The following PPARA variants were observed in gnomAD, a reference collection of about 807,000 sequenced individuals.
PPARA encodes the protein peroxisome proliferator-activated receptor alpha.
A neutral mutation model predicts 42.2 loss-of-function variants in PPARA; 22 were observed. The observed-to-expected ratio is 0.52, with a 90% confidence interval of 0.37 to 0.74. The LOEUF is 0.74. Among genes scored for constraint, PPARA ranks in the 30% least tolerant of loss-of-function variants. PPARA has a pLI of 0.00. For synonymous variants in PPARA, 242 were observed against 239.3 expected, an observed-to-expected ratio of 1.01 and a Z score of -0.10; for missense variants, 465 against 608.2, an observed-to-expected ratio of 0.76 and a Z score of 2.48.
rs1935807834 is a variant in PPARA, at chr22:46,230,692, C to T, written c.712-1100C>T. Among the ~76,000 whole-genome samples the T allele has an allele frequency of 6.6e-6, 1 of 152,218 alleles. No individual in the cohort carries two copies. Among genetic ancestry groups the T allele is most frequent in the African/African-American group, 2.4e-5 (1 of 41,460 alleles). On this transcript the variant is annotated intron_variant, in intron 7 of 8. Coordinates refer to ENST00000407236, the MANE Select transcript of PPARA (RefSeq NM_005036.6). The surrounding 1 kb of genome is among the most constrained non-coding windows in gnomAD (Gnocchi z 5.0). ...AAGGCACGGCTGTGGGGAGTTGGCACTTGCTCCAGAATATGGAGCACCGAG... is the reference window on the plus strand; with the variant it reads ...AAGGCACGGCTGTGGGGAGTTGGCATTTGCTCCAGAATATGGAGCACCGAG...
chr22:46,187,435 C>T lies in PPARA; in HGVS notation c.-43+10599C>T, dbSNP rs535791494. Among the ~76,000 whole-genome samples the T allele has an allele frequency of 1.3e-5, 2 of 152,344 alleles. No individual in the cohort carries two copies. Among genetic ancestry groups the T allele is most frequent in the East Asian group, 1.9e-4 (1 of 5,188 alleles). On this transcript the variant is annotated intron_variant, in intron 3 of 8. Transcript: ENST00000407236. This position sits in a 1 kb window ranked among gnomAD's most constrained non-coding sequence, Gnocchi z 4.9. ...CCCAGGTCCCTGGTCCAGGCAGCTG[C>T]CAGTTGTCAGGATCAGCTCTTTATC...
In PPARA at chr22:46,194,780, G is replaced by A. The variant is rs539980950; in HGVS notation, c.-42-3562G>A. ...GTAGAGACGGGGTTTCACCATGTTG[G>A]CCAGGCTGGTTTTGAACTCCTGACC... is the stretch of plus-strand genomic sequence containing the variant. On this transcript the variant is annotated intron_variant, in intron 3 of 8. Coordinates refer to ENST00000407236, the MANE Select transcript of PPARA (RefSeq NM_005036.6). 1.4e-3 allele frequency among the ~76,000 whole-genome samples: 219 copies of A among 151,492 alleles called. 1 individual carries two copies. In the Middle Eastern group the frequency reaches 0.021, roughly 14 times the overall value.
Position 46,225,753 on chromosome 22 carries a change from T to A in PPARA, c.711+5739T>A, listed in dbSNP as rs1461847766. Among the ~76,000 whole-genome samples the A allele has an allele frequency of 9.4e-6, 1 of 106,086 alleles. No individual in the cohort carries two copies. Among genetic ancestry groups the A allele is most frequent in the East Asian group, 2.4e-4 (1 of 4,158 alleles). 69.6% of individuals were successfully genotyped at this position (106,086 alleles called of 152,430 possible). The stretch of plus-strand genomic sequence containing the variant: ...CATCCATGCTCACATGGGTACACAC[T>A]CACACATCCATGCATGCACGTGTAA... On this transcript the variant is annotated intron_variant, in intron 7 of 8. Transcript: ENST00000407236. This position sits in a 1 kb window ranked among gnomAD's most constrained non-coding sequence, Gnocchi z 4.1.
At chr22:46,181,387 G>T (rs1055756882) in intron 3 of PPARA, among the ~76,000 whole-genome samples, 1 of 152,076 alleles carries the variant, frequency 6.6e-6, no homozygotes, top group African/African-American at 2.4e-5. Flanking sequence ...GCAGGCTGTG[G>T]CAGGAATAAG....
chr22:46,219,085 C>T lies in PPARA; in HGVS notation c.508+684C>T, dbSNP rs1467324896. The stretch of plus-strand genomic sequence containing the variant: ...GATGAGACAGGAGAATAGCTTGAAC[C>T]CGGGAGGCGGAGGTTGCAGTGAGCT... On this transcript the variant is annotated intron_variant, in intron 6 of 8. Coordinates refer to ENST00000407236, the MANE Select transcript of PPARA (RefSeq NM_005036.6). This position sits in a 1 kb window ranked among gnomAD's most constrained non-coding sequence, Gnocchi z 4.8. 6.6e-6 allele frequency among the ~76,000 whole-genome samples: 1 copy of T among 151,420 alleles called. No homozygotes were observed. The highest frequency in any genetic ancestry group is 2.4e-5 in the African/African-American group (1 of 41,148).
intron 2 of PPARA, among the ~76,000 whole-genome samples, chr22:46,153,002 C>A (rs1924678161): frequency 6.6e-6 from 1 of 152,178 alleles, no homozygotes. Flanking sequence ...AGGAGAATCG[C>A]TTGAGCCTGG....
intron 3 of PPARA, among the ~76,000 whole-genome samples, chr22:46,185,532 G>A (rs1930533121): frequency 6.7e-6 from 1 of 150,358 alleles, no homozygotes; most frequent in Admixed American, 6.7e-5. Context: ...TGTCTGCTCT[G>A]GCAAAAGACA....
rs1935406985 is a variant in PPARA at position 46,225,968 on chromosome 22, C to T, written c.712-5824C>T. ...ACCCAGGCACACACAAATCCACATTCACCCATACAGTCACACACATGCATA... is the reference window on the plus strand; with the variant it reads ...ACCCAGGCACACACAAATCCACATTTACCCATACAGTCACACACATGCATA... On this transcript the variant is annotated intron_variant, in intron 7 of 8. Transcript: ENST00000407236. This position sits in a 1 kb window ranked among gnomAD's most constrained non-coding sequence, Gnocchi z 4.1. Among the ~76,000 whole-genome samples the T allele has an allele frequency of 6.7e-6, 1 of 149,820 alleles. No individual in the cohort carries two copies. The highest frequency in any genetic ancestry group is 1.5e-5 in the Non-Finnish European group (1 of 67,886).
At chr22:46,213,718 T>C (rs1030143993) in intron 4 of PPARA, among the ~76,000 whole-genome samples, 1 of 151,920 alleles carries the variant, frequency 6.6e-6, no homozygotes, top group African/African-American at 2.4e-5. Flanking sequence ...GCCTCCCGAG[T>C]AGCTGGGACT....
rs551097299 is a variant in PPARA, at chr22:46,221,044, A to C, written c.711+1030A>C. On this transcript the variant is annotated intron_variant, in intron 7 of 8. Coordinates refer to ENST00000407236, the MANE Select transcript of PPARA (RefSeq NM_005036.6). This position sits in a 1 kb window ranked among gnomAD's most constrained non-coding sequence, Gnocchi z 5.9. ...GGTAATTTATAAAGAAAAGAGGTTT[A>C]ATTGGCTCGTGGCCCACAAGGCTGT... is the stretch of plus-strand genomic sequence containing the variant. Among the ~76,000 whole-genome samples the C allele has an allele frequency of 1.0e-3, 140 of 139,516 alleles. No individual in the cohort carries two copies. The highest frequency in any genetic ancestry group is 3.6e-3 in the African/African-American group (118 of 32,556). 91.5% of individuals were successfully genotyped at this position (139,516 alleles called of 152,430 possible).
chr22:46,178,389 A>G (rs1929476555), intron 3 of PPARA, among the ~76,000 whole-genome samples: 1 of 152,208 alleles, frequency 6.6e-6, no homozygotes, highest in Non-Finnish European at 1.5e-5. Flanking sequence ...ATGTTCTTCA[A>G]GATGCTGGAC....
chr22:46,172,318 T>TAAAA (rs35328780), intron 2 of PPARA, among the ~76,000 whole-genome samples: 7 of 119,576 alleles, frequency 5.9e-5, no homozygotes, highest in Admixed American at 1.8e-4. Flanking sequence ...TGCAAGTAAT[T>TAAAA]AAAAAAAAAA....
At chr22:46,174,249 A>AGAAGGAAGGAAGGAAGGAAGGAAG (rs1555935169) in intron 2 of PPARA, among the ~76,000 whole-genome samples, 1 of 11,880 alleles carries the variant, frequency 8.4e-5, no homozygotes, top group Admixed American at 1.4e-3. Context: ...AAAGAAAGAA[A>AGAAGGAAGGAAGGAAGGAAGGAAG]GAAGGAAGGA....
rs1215659098 is a variant in PPARA, at chr22:46,163,406, A to C, written c.-127+11436A>C. ...ATACATCTAATGACCTATATTGAAG[A>C]TACACTGCCTGCTTAGTTGTGGCTT... On this transcript the variant is annotated intron_variant, in intron 2 of 8. Transcript: ENST00000407236. The surrounding 1 kb of genome is among the most constrained non-coding windows in gnomAD (Gnocchi z 4.9). 1 of 152,220 alleles carries C rather than the reference A, an allele frequency of 6.6e-6. No homozygotes were observed. The highest frequency in any genetic ancestry group is 1.5e-5 in the Non-Finnish European group (1 of 68,046). The allele number at this position is 152,220 out of a possible 1,614,324, so 9.4% of individuals were successfully genotyped here.
intron 2 of PPARA, among the ~76,000 whole-genome samples, chr22:46,175,000 C>T (rs930687285): frequency 6.6e-6 from 1 of 151,640 alleles, no homozygotes; most frequent in Non-Finnish European, 1.5e-5. Context: ...CAACCTCTGT[C>T]TCCTGGATTC....
intron 3 of PPARA, among the ~76,000 whole-genome samples, chr22:46,197,603 T>C (rs1932425809): frequency 6.6e-6 from 1 of 152,048 alleles, no homozygotes; most frequent in Admixed American, 6.6e-5. Context: ...TGACGTTGCA[T>C]TTAAAACCAA....
chr22:46,199,801 C>T (rs1156886920), intron 4 of PPARA, among the ~76,000 whole-genome samples: 1 of 152,182 alleles, frequency 6.6e-6, no homozygotes, highest in Non-Finnish European at 1.5e-5. Context: ...CAGCCCACTA[C>T]AACGTCCATC....
At position 46,240,383 on chromosome 22, in the gene PPARA, T is replaced by C. The variant is rs901771223; in HGVS notation, c.*5003T>C. On this transcript the variant is annotated 3_prime_UTR_variant, in exon 9 of 9. Coordinates refer to ENST00000407236, the MANE Select transcript of PPARA (RefSeq NM_005036.6). This position sits in a 1 kb window ranked among gnomAD's most constrained non-coding sequence, Gnocchi z 6.0. The stretch of plus-strand genomic sequence containing the variant: ...CCTCCTGCAGCCTCCCTGTTGTTTC[T>C]AGACTCTTGCACCTGGTGAGTGCAA... The C allele has an allele frequency of 1.3e-5, 5 of 396,538 alleles. No individual in the cohort carries two copies. Among genetic ancestry groups the C allele is most frequent in the Non-Finnish European group, 2.2e-5 (5 of 225,290 alleles). The allele number at this position is 396,538 out of a possible 1,614,324, so 24.6% of individuals were successfully genotyped here.
Position 46,167,904 on chromosome 22 carries a change from T to C in PPARA, c.-126-8849T>C, listed in dbSNP as rs1401495335. Among the ~76,000 whole-genome samples the C allele has an allele frequency of 6.7e-6, 1 of 150,052 alleles. No homozygotes were observed. The highest frequency in any genetic ancestry group is 2.0e-4 in the East Asian group (1 of 5,114). Reference sequence around the variant, plus strand: ...CCAAAAAAAAAAAATAAAAAGCCTGTGCCAGGCACAGTGGCACATGTCTGT... The same window carrying C: ...CCAAAAAAAAAAAATAAAAAGCCTGCGCCAGGCACAGTGGCACATGTCTGT... On this transcript the variant is annotated intron_variant, in intron 2 of 8. Transcript: ENST00000407236. The surrounding 1 kb of genome is among the most constrained non-coding windows in gnomAD (Gnocchi z 4.1).
Sources: allele counts gnomAD v4.1 joint callset (sites outside exome capture counted in the v4.1 genomes callset), GRCh38; gene constraint gnomAD v4.1.1; non-coding constraint Gnocchi (gnomAD v3.1); transcripts MANE v1.5; gene names NCBI Gene and HGNC (gene_info 2026-07-23, HGNC 2026-07-21).